DENND1A: variants seen among roughly 807,000 people sequenced by gnomAD.
DENND1A encodes the protein DENN domain containing 1A.
In DENND1A, 51 loss-of-function variants were observed where a neutral mutation model predicts 113.7. The ratio of observed to expected loss-of-function variants is 0.45; its 90% CI spans 0.36 to 0.57. The LOEUF is 0.57. Ranked by LOEUF, DENND1A falls within the 20% of genes least tolerant of loss-of-function variation. DENND1A has a pLI of 0.00. For missense variants in DENND1A, 1,258 were observed against 1,395.9 expected, an observed-to-expected ratio of 0.90 and a Z score of 1.57; for synonymous variants, 565 against 570.8, an observed-to-expected ratio of 0.99 and a Z score of 0.14.
Position 123,620,213 on chromosome 9 carries a change from C to CAA in DENND1A, c.719+10161_719+10162dup, listed in dbSNP as rs34196587. On this transcript the variant is annotated intron_variant, in intron 10 of 23. Coordinates refer to ENST00000394215, the MANE Select transcript of DENND1A (RefSeq NM_001352964.2). ...TGGGTGAGAGAGTAAGACTCCATCTCAAAAAAAAAAAAAAAAAAAAAAAAA... is the reference window on the plus strand; with the variant it reads ...TGGGTGAGAGAGTAAGACTCCATCTCAAAAAAAAAAAAAAAAAAAAAAAAAAA... Among the ~76,000 whole-genome samples, 141 of 58,854 alleles carry CAA rather than the reference C, an allele frequency of 2.4e-3. 1 individual carries two copies. The highest frequency in any genetic ancestry group is 4.5e-3 in the East Asian group (5 of 1,120). The allele number at this position is 58,854 out of a possible 152,430, so 38.6% of individuals were successfully genotyped here.
At chr9:123,612,663 G>A (rs925266106) in intron 10 of DENND1A, among the ~76,000 whole-genome samples, 3 of 152,174 alleles carry the variant, frequency 2.0e-5, no homozygotes, top group African/African-American at 4.8e-5. Context: ...CCCTAGAGTA[G>A]ACATTAAGTT....
intron 2 of DENND1A, among the ~76,000 whole-genome samples, chr9:123,816,690 C>A (rs1164295686): frequency 6.6e-6 from 1 of 152,174 alleles, no homozygotes; most frequent in African/African-American, 2.4e-5. Flanking sequence ...TAAGTCATTT[C>A]AATAGTGCCT....
intron 1 of DENND1A, among the ~76,000 whole-genome samples, chr9:123,917,882 A>G (rs12003640): frequency 0.12 from 18,689 of 151,102 alleles, 1,731 homozygotes; most frequent in African/African-American, 0.26. Flanking sequence ...AGGCCGAGGC[A>G]GGCAGATCAC....
intron 1 of DENND1A, among the ~76,000 whole-genome samples, chr9:123,923,602 G>C (rs568692958): frequency 2.0e-5 from 3 of 152,312 alleles, no homozygotes; most frequent in Admixed American, 2.0e-4. Context: ...AACTGGAGCA[G>C]AGCTATCATA....
chr9:123,588,403 G>A (rs1285234520), intron 11 of DENND1A, among the ~76,000 whole-genome samples: 27 of 151,766 alleles, frequency 1.8e-4, no homozygotes, highest in Admixed American at 4.6e-4. Context: ...TGGATCACCT[G>A]AGGTCAGGAG....
intron 1 of DENND1A, among the ~76,000 whole-genome samples, chr9:123,881,869 C>T (rs1484759975): frequency 6.6e-6 from 1 of 152,182 alleles, no homozygotes; most frequent in Non-Finnish European, 1.5e-5. Flanking sequence ...CTCTGCATTG[C>T]TAAAATGTAT....
At chr9:123,452,803 G>A (rs547024562) in intron 16 of DENND1A, among the ~76,000 whole-genome samples, 5 of 152,154 alleles carry the variant, frequency 3.3e-5, no homozygotes, top group Admixed American at 1.3e-4. Flanking sequence ...AGCCAGGATC[G>A]TTGGGAAATA....
chr9:123,827,392 A>T (rs531882487), intron 2 of DENND1A, among the ~76,000 whole-genome samples: 11,460 of 141,524 alleles, frequency 0.081, 1,058 homozygotes, highest in Non-Finnish European at 0.12. Flanking sequence ...ATGGATATAT[A>T]ATATATATAT....
Position 123,422,156 on chromosome 9 carries a change from G to A in DENND1A, c.1489-10327C>T, listed in dbSNP as rs540939543. On this transcript the variant is annotated intron_variant, in intron 19 of 23. Coordinates refer to ENST00000394215, the MANE Select transcript of DENND1A (RefSeq NM_001352964.2). This position sits in a 1 kb window ranked among gnomAD's most constrained non-coding sequence, Gnocchi z 4.8. ...TGGCTCCTGGCACAAGGCCTGGCAC[G>A]CGGTCAAGTTAAAGTAAATGGCTGC... 1.2e-4 allele frequency among the ~76,000 whole-genome samples: 19 copies of A among 152,328 alleles called. No individual in the cohort carries two copies. The highest frequency in any genetic ancestry group is 5.9e-4 in the Admixed American group (9 of 15,306).
chr9:123,807,587 G>A (rs1320108012), intron 2 of DENND1A, among the ~76,000 whole-genome samples: 1 of 152,168 alleles, frequency 6.6e-6, no homozygotes, highest in Admixed American at 6.5e-5. Flanking sequence ...ACAGATAAAG[G>A]CACCACAGAC....
intron 2 of DENND1A, among the ~76,000 whole-genome samples, chr9:123,836,873 A>T (rs974837717): frequency 5.3e-5 from 8 of 152,200 alleles, no homozygotes; most frequent in African/African-American, 1.9e-4. Context: ...TAGTAATATA[A>T]AACGTTTTGG....
At chr9:123,805,355 C>T (rs1001711822) in intron 2 of DENND1A, among the ~76,000 whole-genome samples, 4 of 151,712 alleles carry the variant, frequency 2.6e-5, no homozygotes, top group Non-Finnish European at 5.9e-5. Flanking sequence ...AATGAGATAT[C>T]TTGAGGATGG....
chr9:123,591,826 G>GAAT (rs575936542), intron 11 of DENND1A, among the ~76,000 whole-genome samples: 93 of 152,236 alleles, frequency 6.1e-4, no homozygotes, highest in Non-Finnish European at 7.6e-4. Context: ...AGTGCAATGG[G>GAAT]AATAATAATA....
At chr9:123,450,821 A>G (rs764740387) in intron 17 of DENND1A, 72 bp from the exon 18 acceptor site, 2 of 1,264,286 alleles carry the variant, frequency 1.6e-6, no homozygotes, top group East Asian at 2.4e-5. Flanking sequence ...ATTTCAGTCC[A>G]TCGAGAATCA....
chr9:123,607,488 GAC>G (rs10557656), intron 11 of DENND1A, among the ~76,000 whole-genome samples: 770 of 70,956 alleles, frequency 0.011, 7 homozygotes, highest in African/African-American at 0.024. Flanking sequence ...CAGAGAGAGA[GAC>G]ACACACACAC....
intron 13 of DENND1A, among the ~76,000 whole-genome samples, chr9:123,541,933 A>G (rs1195147925): frequency 6.6e-6 from 1 of 152,232 alleles, no homozygotes; most frequent in African/African-American, 2.4e-5. Flanking sequence ...CTGGAATCTC[A>G]ACCTTCCTTA....
chr9:123,703,748 T>C (rs564564270), intron 5 of DENND1A, among the ~76,000 whole-genome samples: 1 of 152,190 alleles, frequency 6.6e-6, no homozygotes, highest in East Asian at 1.9e-4. Flanking sequence ...AATAAAATTC[T>C]AGGAAAGATA....
intron 5 of DENND1A, among the ~76,000 whole-genome samples, chr9:123,731,022 C>T (rs2068123478): frequency 6.6e-6 from 1 of 152,080 alleles, no homozygotes; most frequent in South Asian, 2.1e-4. Flanking sequence ...AAACCAAACA[C>T]TGCATGTTTT....
chr9:123,588,105 A>G (rs990676903), intron 11 of DENND1A, among the ~76,000 whole-genome samples: 1 of 151,126 alleles, frequency 6.6e-6, no homozygotes, highest in African/African-American at 2.4e-5. Context: ...GAGAAACCCC[A>G]TCTCTACTAA....
Sources: gnomAD v4.1 joint callset for allele counts (sites outside exome capture counted in the v4.1 genomes callset) on GRCh38, gnomAD v4.1.1 for gene constraint, Gnocchi (gnomAD v3.1) non-coding constraint, MANE v1.5 for transcripts, NCBI Gene and HGNC (gene_info 2026-07-23, HGNC 2026-07-21) for gene names.